The following RAB3IL1 variants were observed in gnomAD, a reference collection of about 807,000 sequenced individuals.
RAB3IL1 encodes RAB3A interacting protein like 1, also known as guanine nucleotide exchange factor for Rab-3A.
A neutral mutation model predicts 49.2 loss-of-function variants in RAB3IL1; 37 were observed. The observed-to-expected ratio is 0.75, with a 90% CI of 0.58 to 0.99. The LOEUF (loss-of-function observed/expected upper bound fraction) is 0.99. Ranked by LOEUF, RAB3IL1 falls within the 50% of genes least tolerant of loss-of-function variation. The pLI, the probability that RAB3IL1 is intolerant of heterozygous loss-of-function variation, is 0.00. For synonymous variants in RAB3IL1, 193 were observed against 213.9 expected, an observed-to-expected ratio of 0.90 and a Z score of 0.85; for missense variants, 484 against 513.0, an observed-to-expected ratio of 0.94 and a Z score of 0.55.
chr11:61,929,567 G>A, the RAB3IL1 span, among the ~76,000 whole-genome samples: 1 of 150,936 alleles, frequency 6.6e-6, no homozygotes. Context: ...AACAACAAGA[G>A]ATTATCAAGG....
chr11:61,918,776 C>T (rs1939817192), upstream of RAB3IL1, among the ~76,000 whole-genome samples: 1 of 152,214 alleles, frequency 6.6e-6, no homozygotes, highest in Non-Finnish European at 1.5e-5. Context: ...GCCTTGCTTG[C>T]TCCCTTGGCC....
the RAB3IL1 span, among the ~76,000 whole-genome samples, chr11:61,933,282 C>T: frequency 6.7e-3 from 1,025 of 152,196 alleles, 10 homozygotes; most frequent in Non-Finnish European, 0.011. Flanking sequence ...AATGCAATCA[C>T]ATGTATCCTT....
chr11:61,900,142 C>T lies in RAB3IL1; in HGVS notation c.1000-762G>A, dbSNP rs376858282. Among the ~76,000 whole-genome samples the T allele has an allele frequency of 1.8e-4, 27 of 152,356 alleles. No homozygotes were observed. The East Asian group carries it at 4.2e-3, about 24-fold the overall frequency. Reference sequence around the variant, plus strand: ...TGTGTGGAGATAGAAAGGACAGTCCCCTTGCCTCAGGGTGGAATCAACTCT... The same window carrying T: ...TGTGTGGAGATAGAAAGGACAGTCCTCTTGCCTCAGGGTGGAATCAACTCT... On this transcript the variant is annotated intron_variant, in intron 8 of 9. Coordinates refer to ENST00000394836, the MANE Select transcript of RAB3IL1 (RefSeq NM_013401.4).
At chr11:61,941,491 G>A in the RAB3IL1 span, among the ~76,000 whole-genome samples, 3 of 152,188 alleles carry the variant, frequency 2.0e-5, no homozygotes, top group Non-Finnish European at 4.4e-5. Context: ...GGTGGCTCAC[G>A]CCTGTAATCC....
At chr11:61,924,232 G>A (rs770518034), upstream of RAB3IL1, among the ~76,000 whole-genome samples, 52 of 152,186 alleles carry the variant, frequency 3.4e-4, no homozygotes, top group Non-Finnish European at 1.8e-4. Flanking sequence ...CAGGCCTCCG[G>A]AAGCTAAACT....
the RAB3IL1 span, among the ~76,000 whole-genome samples, chr11:61,933,569 G>C: frequency 4.3e-3 from 656 of 152,296 alleles, 2 homozygotes; most frequent in South Asian, 8.3e-3. Context: ...ATTAAAAAAA[G>C]TAATGCAGAT....
rs1386894434 is a variant in RAB3IL1 at position 61,917,404 on chromosome 11, C to A, written c.-37G>T. On this transcript the variant is annotated 5_prime_UTR_variant, in exon 1 of 10. Transcript: ENST00000394836. ...GGGGCGCCCAGGCGTCCGTTCCCAG[C>A]GCCGCCGCGTCCTCCCAGCGCCGCG... is the stretch of plus-strand genomic sequence containing the variant. The A allele has an allele frequency of 8.2e-6, 10 of 1,222,870 alleles. No individual in the cohort carries two copies. Among genetic ancestry groups the A allele is most frequent in the Non-Finnish European group, 8.1e-6 (8 of 984,092 alleles). The allele number at this position is 1,222,870 out of a possible 1,614,324, so 75.8% of individuals were successfully genotyped here.
In RAB3IL1 at chr11:61,907,408, C is replaced by T; in HGVS notation, c.423G>A (p.Lys141=). The T allele has an allele frequency of 6.2e-7, 1 of 1,614,020 alleles. No individual in the cohort carries two copies. Among genetic ancestry groups the T allele is most frequent in the Non-Finnish European group, 8.5e-7 (1 of 1,179,990 alleles). Reference sequence around the variant, plus strand: ...TGGGCCTCACCTTGCCCCGAGCCTCCTTCAGCTGCTTTTCTGATGCCGCCT... The same window carrying T: ...TGGGCCTCACCTTGCCCCGAGCCTCTTTCAGCTGCTTTTCTGATGCCGCCT... ...MKQAASEKQL[K]EARGKIDMLQ... is the part of the protein sequence containing the mutation. Residue 141 remains lysine, a synonymous_variant, in exon 4 of 10, where the codon AAG becomes AAA. Transcript: ENST00000394836.
chr11:61,917,518 T>A lies in RAB3IL1; in HGVS notation c.-151A>T. 2 of 1,121,252 alleles carry A rather than the reference T, an allele frequency of 1.8e-6. No individual in the cohort carries two copies. The highest frequency in any genetic ancestry group is 2.2e-6 in the Non-Finnish European group (2 of 918,496). 69.5% of individuals were successfully genotyped at this position (1,121,252 alleles called of 1,614,324 possible). Reference sequence around the variant, plus strand: ...GGCCGGTCAGTAGGTCTCAGACGCCTGGGCTCGCGGCCCCCAGCCCAGCCC... The same window carrying A: ...GGCCGGTCAGTAGGTCTCAGACGCCAGGGCTCGCGGCCCCCAGCCCAGCCC... On this transcript the variant is annotated 5_prime_UTR_variant, in exon 1 of 10. Transcript: ENST00000394836.
At chr11:61,914,655 CA>C (rs1685019875) in intron 1 of RAB3IL1, among the ~76,000 whole-genome samples, 1 of 152,128 alleles carries the variant, frequency 6.6e-6, no homozygotes, top group South Asian at 2.1e-4. Flanking sequence ...GAAGAGGACC[CA>C]CCCAGGCTGT....
At chr11:61,934,450 G>GTGTATGTATATATA in the RAB3IL1 span, among the ~76,000 whole-genome samples, 14 of 31,606 alleles carry the variant, frequency 4.4e-4, no homozygotes, top group African/African-American at 1.2e-3. Context: ...GTGTGTGTAT[G>GTGTATGTATATATA]TATATATATA....
chr11:61,924,422 C>T (rs568288916), upstream of RAB3IL1, among the ~76,000 whole-genome samples: 14 of 152,242 alleles, frequency 9.2e-5, no homozygotes, highest in African/African-American at 2.9e-4. Flanking sequence ...CTGAGAGATT[C>T]GAATTAACCT....
At chr11:61,920,943 C>G (rs1409825328), upstream of RAB3IL1, among the ~76,000 whole-genome samples, 2 of 152,124 alleles carry the variant, frequency 1.3e-5, no homozygotes, top group East Asian at 3.8e-4. Flanking sequence ...AACAAACAAA[C>G]AAAAAACTGT....
At chr11:61,909,195 A>C (rs1200280575) in intron 1 of RAB3IL1, among the ~76,000 whole-genome samples, 2 of 151,086 alleles carry the variant, frequency 1.3e-5, no homozygotes, top group Non-Finnish European at 3.0e-5. Context: ...AGGGCTGGGG[A>C]TGGGGGGCTG....
At chr11:61,945,746 G>T in the RAB3IL1 span, 1 of 984,774 alleles carries the variant, frequency 1.0e-6, no homozygotes, top group South Asian at 4.7e-5. Flanking sequence ...GGGGTGGGTG[G>T]AAGGTGGATA....
chr11:61,917,433 C>T lies in RAB3IL1; in HGVS notation c.-66G>A. 8.4e-7 allele frequency: 1 copy of T among 1,190,128 alleles called. No individual in the cohort carries two copies. The highest frequency in any genetic ancestry group is 3.7e-5 in the East Asian group (1 of 26,960). 73.7% of individuals were successfully genotyped at this position (1,190,128 alleles called of 1,614,324 possible). On this transcript the variant is annotated 5_prime_UTR_variant, in exon 1 of 10. Transcript: ENST00000394836. The stretch of plus-strand genomic sequence containing the variant: ...GCCGCGTCCTCCCAGCGCCGCGTCC[C>T]CGCCCGCCGCCGACTCCGCCAGGGG...
intron 1 of RAB3IL1, among the ~76,000 whole-genome samples, chr11:61,910,358 G>A (rs1012796227): frequency 6.6e-6 from 1 of 152,208 alleles, no homozygotes; most frequent in African/African-American, 2.4e-5. Flanking sequence ...CAGACTCTGC[G>A]CAGGCCCAGA....
At chr11:61,917,723 A>G (rs1452517770), upstream of RAB3IL1, 3 of 263,416 alleles carry the variant, frequency 1.1e-5, no homozygotes. Context: ...CCGGCCCCCA[A>G]CATCCCGCGG....
chr11:61,911,187 GA>G (rs1268293203), intron 1 of RAB3IL1, among the ~76,000 whole-genome samples: 1 of 152,164 alleles, frequency 6.6e-6, no homozygotes, highest in African/African-American at 2.4e-5. Context: ...CAGAGTCTGT[GA>G]CATCCTTCCC....
Sources: gnomAD v4.1 joint callset for allele counts (sites outside exome capture counted in the v4.1 genomes callset) on GRCh38, gnomAD v4.1.1 for gene constraint, MANE v1.5 for transcripts, NCBI Gene and HGNC (gene_info 2026-07-23, HGNC 2026-07-21) for gene names.